Variants in ACOX1 observed in about 807,000 individuals in gnomAD.
ACOX1 encodes the protein acyl-CoA oxidase 1, also known as peroxisomal acyl-coenzyme A oxidase 1.
ACOX1 carries 41 observed loss-of-function variants against 75.5 expected under a neutral mutation model. That is an observed-to-expected ratio of 0.54 (90% confidence interval 0.42 to 0.70). The LOEUF is 0.70. Among genes scored for constraint, ACOX1 ranks in the 30% least tolerant of loss-of-function variants. The probability of loss-of-function intolerance (pLI) is 0.00; values close to 1 mark genes in which losing one functional copy is unlikely to be tolerated. For missense variants in ACOX1, 630 were observed against 837.5 expected (o/e 0.75, Z 3.06); for synonymous variants, 303 against 298.8 (o/e 1.01, Z -0.15).
intron 6 of ACOX1, among the ~76,000 whole-genome samples, chr17:75,954,225 A>AG (rs1445705611): frequency 6.7e-6 from 1 of 150,142 alleles, no homozygotes; most frequent in African/African-American, 2.5e-5. Flanking sequence ...CAAAAAAAAA[A>AG]AAAAACCAAA....
chr17:75,947,883 CT>C (rs1405576930), intron 13 of ACOX1, among the ~76,000 whole-genome samples: 9 of 151,752 alleles, frequency 5.9e-5, no homozygotes, highest in Non-Finnish European at 1.3e-4. Context: ...TGCCTGGCTG[CT>C]TTTTTTGTAT....
chr17:75,968,854 G>A (rs1348950529), intron 2 of ACOX1, among the ~76,000 whole-genome samples: 1 of 151,310 alleles, frequency 6.6e-6, no homozygotes, highest in Non-Finnish European at 1.5e-5. Flanking sequence ...TGCGGGAGGC[G>A]GAAGTTGCGG....
At chr17:75,963,521 G>A (rs953058072) in intron 2 of ACOX1, among the ~76,000 whole-genome samples, 3 of 151,778 alleles carry the variant, frequency 2.0e-5, no homozygotes, top group Admixed American at 6.6e-5. Flanking sequence ...CCAACAAGGT[G>A]AAACCCCTCT....
Position 75,978,038 on chromosome 17 carries a change from A to G in ACOX1, c.269+496T>C, listed in dbSNP as rs545464722. On this transcript the variant is annotated intron_variant, in intron 2 of 13. Coordinates refer to ENST00000293217, the MANE Select transcript of ACOX1 (RefSeq NM_004035.7). This position sits in a 1 kb window ranked among gnomAD's most constrained non-coding sequence, Gnocchi z 4.2. ...TCTACAAACACGTCATCCCACGAAAAGGCTTGGATACAAAAGTGATCACAT... is the reference window on the plus strand; with the variant it reads ...TCTACAAACACGTCATCCCACGAAAGGGCTTGGATACAAAAGTGATCACAT... Among the ~76,000 whole-genome samples the G allele has an allele frequency of 2.0e-5, 3 of 152,278 alleles. No homozygotes were observed. Among genetic ancestry groups the G allele is most frequent in the South Asian group, 4.1e-4 (2 of 4,832 alleles).
intron 2 of ACOX1, among the ~76,000 whole-genome samples, chr17:75,964,771 A>C (rs1008746299): frequency 2.0e-5 from 3 of 152,190 alleles, no homozygotes; most frequent in African/African-American, 7.2e-5. Context: ...AAAATTACGA[A>C]GCACCAACAT....
chr17:75,965,517 A>G (rs1266426907), intron 2 of ACOX1, among the ~76,000 whole-genome samples: 1 of 151,466 alleles, frequency 6.6e-6, no homozygotes, highest in Non-Finnish European at 1.5e-5. Flanking sequence ...ATTTTTTTTT[A>G]GAACCTGACA....
Position 75,951,404 on chromosome 17 carries a change from C to A in ACOX1, c.1107+11G>T. On this transcript the variant is annotated intron_variant, in intron 8 of 13. Transcript: ENST00000293217. ...AAGGGTGCCCATGAGTGAATGAGAC[C>A]AAACTCATACCTCAGGCAGTTCACT... is the stretch of plus-strand genomic sequence containing the variant. The A allele has an allele frequency of 1.2e-6, 2 of 1,613,936 alleles. No individual in the cohort carries two copies. Among genetic ancestry groups the A allele is most frequent in the South Asian group, 1.1e-5 (1 of 91,058 alleles).
chr17:75,978,780 C>A lies in ACOX1; in HGVS notation c.110-87G>T. The A allele has an allele frequency of 6.2e-7, 1 of 1,609,262 alleles. No individual in the cohort carries two copies. The highest frequency in any genetic ancestry group is 1.1e-5 in the South Asian group (1 of 90,666). ...CCTGAATCACAATAGGCTTCAGAGT[C>A]GCGGACACACCTGGGGAATGGCGAT... On this transcript the variant is annotated intron_variant, in intron 1 of 13. Coordinates refer to ENST00000293217, the MANE Select transcript of ACOX1 (RefSeq NM_004035.7). The surrounding 1 kb of genome is among the most constrained non-coding windows in gnomAD (Gnocchi z 4.2).
At chr17:75,961,606 C>A (rs765501447) in intron 2 of ACOX1, among the ~76,000 whole-genome samples, 1 of 151,436 alleles carries the variant, frequency 6.6e-6, no homozygotes, top group Non-Finnish European at 1.5e-5. Flanking sequence ...CCCATCTCTA[C>A]TAAATATACA....
At chr17:75,947,907 T>C (rs946827507) in intron 13 of ACOX1, among the ~76,000 whole-genome samples, 10 of 151,880 alleles carry the variant, frequency 6.6e-5, no homozygotes, top group Non-Finnish European at 1.0e-4. Context: ...TTAGTAGAGA[T>C]TGGGTTTCGC....
intron 2 of ACOX1, among the ~76,000 whole-genome samples, chr17:75,972,024 G>T (rs1322568448): frequency 6.6e-6 from 1 of 152,022 alleles, no homozygotes; most frequent in Non-Finnish European, 1.5e-5. Flanking sequence ...TACTCCAAGC[G>T]AGGAGGACTA....
At chr17:75,959,065 C>T (rs1238802605) in intron 3 of ACOX1, among the ~76,000 whole-genome samples, 1 of 152,082 alleles carries the variant, frequency 6.6e-6, no homozygotes, top group Admixed American at 6.5e-5. Context: ...TGAAAAGAGT[C>T]ATAGAAAAAT....
intron 2 of ACOX1, among the ~76,000 whole-genome samples, chr17:75,968,018 C>G (rs1035631617): frequency 4.0e-5 from 6 of 150,382 alleles, no homozygotes; most frequent in Non-Finnish European, 7.4e-5. Context: ...GGATTACAGG[C>G]GAGAGCCATT....
In ACOX1 at chr17:75,960,123, G is replaced by A. The variant is rs2065873933; in HGVS notation, c.430+92C>T. 5.9e-6 allele frequency: 9 copies of A among 1,514,284 alleles called. No individual in the cohort carries two copies. The South Asian group carries it at 6.9e-5, about 12-fold the overall frequency. The allele number at this position is 1,514,284 out of a possible 1,614,324, so 93.8% of individuals were successfully genotyped here. A position where few individuals can be genotyped will look rare whatever the true frequency, so the allele number is the denominator to read the frequency against. On this transcript the variant is annotated intron_variant, in intron 3 of 13. Transcript: ENST00000293217. The surrounding 1 kb of genome is among the most constrained non-coding windows in gnomAD (Gnocchi z 4.4). ...TCATTTAAACAGACCATAGAACATC[G>A]ACACACCATCGATGGCACATGGTGG...
At chr17:75,975,892 A>G (rs55691265) in intron 2 of ACOX1, among the ~76,000 whole-genome samples, 19,155 of 151,674 alleles carry the variant, frequency 0.13, 1,678 homozygotes, top group African/African-American at 0.26. Context: ...AGAGAGAAAG[A>G]AAAAGAAAGA....
In ACOX1 at chr17:75,978,792, T is replaced by C; in HGVS notation, c.110-99A>G. ...TAGGCTTCAGAGTCGCGGACACACC[T>C]GGGGAATGGCGATATCCCCCCACCA... On this transcript the variant is annotated intron_variant, in intron 1 of 13. Coordinates refer to ENST00000293217, the MANE Select transcript of ACOX1 (RefSeq NM_004035.7). The surrounding 1 kb of genome is among the most constrained non-coding windows in gnomAD (Gnocchi z 4.2). 6.2e-7 allele frequency: 1 copy of C among 1,607,230 alleles called. No individual in the cohort carries two copies. Among genetic ancestry groups the C allele is most frequent in the Non-Finnish European group, 8.5e-7 (1 of 1,179,374 alleles).
chr17:75,951,463 G>C lies in ACOX1; in HGVS notation c.1059C>G (p.His353Gln). 5 of 1,614,140 alleles carry C rather than the reference G, an allele frequency of 3.1e-6. No homozygotes were observed. The highest frequency in any genetic ancestry group is 4.2e-6 in the Non-Finnish European group (5 of 1,180,020). The change falls in exon 8 of 14, where the codon CAC (histidine) becomes CAG (glutamine). Residue 353 changes from histidine to glutamine, a missense_variant. This residue lies in a region of ACOX1 where 390 missense variants were observed against 574.9 expected (regional missense o/e 0.68). Transcript: ENST00000293217. Reference sequence around the variant, plus strand: ...CTTGACCAATGCCTTCGTTAATCCGGTGATAGGTCTCCTTCATGTATGCGC... The same window carrying C: ...CTTGACCAATGCCTTCGTTAATCCGCTGATAGGTCTCCTTCATGTATGCGC... ...FVGAYMKETY[H>Q]RINEGIGQGD... is the part of the protein sequence containing the mutation.
chr17:75,962,915 T>A (rs2065899196), intron 2 of ACOX1, among the ~76,000 whole-genome samples: 1 of 151,448 alleles, frequency 6.6e-6, no homozygotes, highest in Non-Finnish European at 1.5e-5. Context: ...GGGGATCACC[T>A]GAGGTTGGAG....
Position 75,978,480 on chromosome 17 carries a change from G to A in ACOX1, c.269+54C>T, listed in dbSNP as rs878999646. 2 of 1,604,936 alleles carry A rather than the reference G, an allele frequency of 1.2e-6. No individual in the cohort carries two copies. Among genetic ancestry groups the A allele is most frequent in the African/African-American group, 2.7e-5 (2 of 74,832 alleles). ...CGGTGATGAAAGGCCACCATAGACC[G>A]CAGCTGTAAAGTTTAGGCTTAACAA... On this transcript the variant is annotated intron_variant, in intron 2 of 13. Transcript: ENST00000293217. The surrounding 1 kb of genome is among the most constrained non-coding windows in gnomAD (Gnocchi z 4.2).
Sources: allele counts gnomAD v4.1 joint callset (sites outside exome capture counted in the v4.1 genomes callset), GRCh38; gene constraint gnomAD v4.1.1; regional missense constraint gnomAD v4.1.1; non-coding constraint Gnocchi (gnomAD v3.1); transcripts MANE v1.5; gene names NCBI Gene and HGNC (gene_info 2026-07-23, HGNC 2026-07-21).